OPHN1: variants seen among roughly 807,000 people sequenced by gnomAD.
OPHN1 encodes the protein oligophrenin-1.
A neutral mutation model predicts 60.7 loss-of-function variants in OPHN1; 11 were observed. The ratio of observed to expected loss-of-function variants is 0.18; its 90% CI spans 0.11 to 0.30. The LOEUF is 0.30. Ranked by LOEUF, OPHN1 falls within the 10% of genes least tolerant of loss-of-function variation. The pLI is 1.00. For synonymous variants in OPHN1, 226 were observed against 222.6 expected (o/e 1.02, Z -0.14); for missense variants, 449 against 611.0 (o/e 0.73, Z 2.80).
At chrX:68,377,253 C>T (rs2078563836) in intron 2 of OPHN1, among the ~76,000 whole-genome samples, 2 of 108,322 alleles carry the variant, frequency 1.8e-5, no homozygotes, top group African/African-American at 3.4e-5. Context: ...CCCGCTACCA[C>T]GCCCGGCTAA....
At position 68,316,788 on chromosome X, in the gene OPHN1, G is replaced by A. The variant is rs766328441; in HGVS notation, c.155-17692C>T. On this transcript the variant is annotated intron_variant, in intron 2 of 24. Transcript: ENST00000355520. ...AAGATATGCTCACATCTCAAAATTAGGCCATCAGCAAACCTCATTACACTT... is the reference window on the plus strand; with the variant it reads ...AAGATATGCTCACATCTCAAAATTAAGCCATCAGCAAACCTCATTACACTT... 4.5e-5 allele frequency among the ~76,000 whole-genome samples: 5 copies of A among 111,500 alleles called. No individual in the cohort carries two copies. In the South Asian group the frequency reaches 1.9e-3, roughly 42 times the overall value.
intron 2 of OPHN1, among the ~76,000 whole-genome samples, chrX:68,407,061 G>A (rs1327699937): frequency 8.9e-6 from 1 of 111,836 alleles, no homozygotes; most frequent in African/African-American, 3.2e-5. Flanking sequence ...AAAATTAGCC[G>A]GGCGTAGTGG....
rs190852120 is a variant in OPHN1 at position 68,305,009 on chromosome X, G to C, written c.155-5913C>G. Among the ~76,000 whole-genome samples the C allele has an allele frequency of 4.5e-5, 5 of 111,391 alleles. No homozygotes were observed. In the East Asian group the frequency reaches 1.4e-3, roughly 31 times the overall value. Reference sequence around the variant, plus strand: ...TAGTTTAAGATTATGGTGACCTGAAGCAGTGTGACAAGCTGAAATTAACAA... The same window carrying C: ...TAGTTTAAGATTATGGTGACCTGAACCAGTGTGACAAGCTGAAATTAACAA... On this transcript the variant is annotated intron_variant, in intron 2 of 24. Transcript: ENST00000355520.
chrX:68,233,304 G>A (rs963945359), intron 6 of OPHN1, among the ~76,000 whole-genome samples: 1 of 111,955 alleles, frequency 8.9e-6, no homozygotes, highest in Non-Finnish European at 1.9e-5. Flanking sequence ...GTTATCAGGA[G>A]ATGAGCTCCA....
At chrX:68,161,216 A>G (rs766253905) in intron 15 of OPHN1, among the ~76,000 whole-genome samples, 6 of 111,072 alleles carry the variant, frequency 5.4e-5, no homozygotes, top group Non-Finnish European at 1.1e-4. Flanking sequence ...ATAGGCCTGC[A>G]ATGAGTAAAG....
chrX:68,066,616 C>T (rs1238785307), intron 20 of OPHN1, among the ~76,000 whole-genome samples: 2 of 111,294 alleles, frequency 1.8e-5, no homozygotes, highest in Non-Finnish European at 3.8e-5. Context: ...ACAACACATA[C>T]CATTACTTGA....
At chrX:68,307,810 A>G (rs188441971) in intron 2 of OPHN1, among the ~76,000 whole-genome samples, 4 of 111,572 alleles carry the variant, frequency 3.6e-5, no homozygotes, top group Non-Finnish European at 7.5e-5. Flanking sequence ...CTGGGAAGAA[A>G]CTTAGGTAGC....
chrX:68,236,988 C>CTTTTG (rs2077755820), intron 5 of OPHN1, among the ~76,000 whole-genome samples: 1 of 112,019 alleles, frequency 8.9e-6, no homozygotes, highest in South Asian at 3.7e-4. Flanking sequence ...AGTAAGTTTT[C>CTTTTG]TTTTGTTTTG....
rs2076832326 is a variant in OPHN1 at position 68,046,357 on chromosome X, C to T, written c.*815G>A. The T allele has an allele frequency of 1.8e-5, 2 of 112,445 alleles. No homozygotes were observed. The highest frequency in any genetic ancestry group is 9.4e-5 in the Admixed American group (1 of 10,687). The allele number at this position is 112,445 out of a possible 1,213,427, so 9.3% of individuals were successfully genotyped here. On this transcript the variant is annotated 3_prime_UTR_variant, in exon 25 of 25. Coordinates refer to ENST00000355520, the MANE Select transcript of OPHN1 (RefSeq NM_002547.3). The stretch of plus-strand genomic sequence containing the variant: ...ACTCCTACAGGACCAAACACAGTCT[C>T]CTTTTTTTAAAAAGAAATGTGTTCA...
At chrX:68,183,842 TCTGA>T (rs1311134258) in intron 15 of OPHN1, among the ~76,000 whole-genome samples, 1 of 112,565 alleles carries the variant, frequency 8.9e-6, no homozygotes, top group Admixed American at 9.4e-5. Flanking sequence ...AAGGGTATGT[TCTGA>T]CTAAGAACTT....
intron 2 of OPHN1, among the ~76,000 whole-genome samples, chrX:68,320,829 C>A (rs1256286397): frequency 9.0e-6 from 1 of 111,659 alleles, no homozygotes. Context: ...GTACCCATTA[C>A]CCCCTCTTTG....
intron 21 of OPHN1, among the ~76,000 whole-genome samples, chrX:68,055,061 C>T (rs180741302): frequency 8.9e-6 from 1 of 111,901 alleles, no homozygotes; most frequent in East Asian, 2.8e-4. Context: ...CAAGGCCCTC[C>T]TTGAGCTGGT....
chrX:68,064,737 C>T lies in OPHN1; in HGVS notation c.1835-560G>A, dbSNP rs1256625904. Among the ~76,000 whole-genome samples the T allele has an allele frequency of 2.7e-5, 3 of 111,455 alleles. No homozygotes were observed. The East Asian group carries it at 8.4e-4, about 31-fold the overall frequency. On this transcript the variant is annotated intron_variant, in intron 20 of 24. Coordinates refer to ENST00000355520, the MANE Select transcript of OPHN1 (RefSeq NM_002547.3). ...GAGACTTACTTAAAGCTTTTGAGACCCTAATGAGACCTAGGGACCATCTCT... is the reference window on the plus strand; with the variant it reads ...GAGACTTACTTAAAGCTTTTGAGACTCTAATGAGACCTAGGGACCATCTCT...
At chrX:68,271,397 C>A (rs1276500235) in intron 5 of OPHN1, among the ~76,000 whole-genome samples, 1 of 107,821 alleles carries the variant, frequency 9.3e-6, no homozygotes, top group East Asian at 2.9e-4. Context: ...ATTAGCCAGG[C>A]ATGGTGGTAT....
intron 2 of OPHN1, among the ~76,000 whole-genome samples, chrX:68,378,505 C>T (rs749159002): frequency 4.5e-5 from 5 of 111,794 alleles, no homozygotes; most frequent in East Asian, 2.8e-4. Flanking sequence ...GAAGTCCTTG[C>T]CCATGCCTAT....
intron 5 of OPHN1, among the ~76,000 whole-genome samples, chrX:68,266,591 C>T (rs2077929074): frequency 9.0e-6 from 1 of 111,683 alleles, no homozygotes; most frequent in South Asian, 3.8e-4. Context: ...ATTGTAAAGA[C>T]TATCAATGCT....
At chrX:68,250,510 G>T (rs1011584188) in intron 5 of OPHN1, among the ~76,000 whole-genome samples, 4 of 111,385 alleles carry the variant, frequency 3.6e-5, no homozygotes, top group East Asian at 2.9e-4. Flanking sequence ...TGTGCCACGT[G>T]GCTAAAGGCG....
At chrX:68,167,519 G>A (rs975659020) in intron 15 of OPHN1, among the ~76,000 whole-genome samples, 18 of 109,144 alleles carry the variant, frequency 1.6e-4, no homozygotes, top group East Asian at 5.8e-4. Flanking sequence ...GTATATATGT[G>A]TGTGTGTGTG....
intron 5 of OPHN1, among the ~76,000 whole-genome samples, chrX:68,262,869 CAGGAA>C (rs1250333776): frequency 2.8e-5 from 3 of 108,141 alleles, no homozygotes; most frequent in Non-Finnish European, 5.7e-5. Context: ...CAGGACAGGA[CAGGAA>C]AGGAAAGGAA....
Sources: gnomAD v4.1 joint callset for allele counts (sites outside exome capture counted in the v4.1 genomes callset) on GRCh38, gnomAD v4.1.1 for gene constraint, MANE v1.5 for transcripts, NCBI Gene and HGNC (gene_info 2026-07-23, HGNC 2026-07-21) for gene names.